Variants in NRG3 observed in about 807,000 individuals in gnomAD.
NRG3 encodes the protein neuregulin 3.
NRG3 carries 31 observed loss-of-function variants against 66.9 expected under a neutral mutation model. The ratio of observed to expected loss-of-function variants is 0.46; its 90% CI spans 0.35 to 0.63. The LOEUF (loss-of-function observed/expected upper bound fraction) is 0.63, where lower values mean the gene tolerates loss of function less well. Among genes scored for constraint, NRG3 ranks in the 20% least tolerant of loss-of-function variants. NRG3 has a pLI of 0.00. For synonymous variants in NRG3, 393 were observed against 359.4 expected (o/e 1.09, Z -1.06); for missense variants, 910 against 878.9 (o/e 1.04, Z -0.45).
intron 3 of NRG3, among the ~76,000 whole-genome samples, chr10:82,768,171 C>T (rs566404913): frequency 2.0e-5 from 3 of 152,260 alleles, no homozygotes; most frequent in Middle Eastern, 3.4e-3. Flanking sequence ...CGTATTGTAT[C>T]TGTCCCCCTC....
At chr10:82,395,347 A>G (rs1366172073) in intron 2 of NRG3, among the ~76,000 whole-genome samples, 4 of 152,140 alleles carry the variant, frequency 2.6e-5, no homozygotes, top group African/African-American at 7.2e-5. Flanking sequence ...TATACAACCA[A>G]TTCTTTCAGG....
At chr10:82,330,998 T>C (rs1178690822) in intron 1 of NRG3, among the ~76,000 whole-genome samples, 1 of 152,198 alleles carries the variant, frequency 6.6e-6, no homozygotes, top group East Asian at 1.9e-4. Flanking sequence ...GAAATCTCAT[T>C]GTCTGCAATG....
intron 1 of NRG3, among the ~76,000 whole-genome samples, chr10:82,012,050 G>T (rs2061600890): frequency 6.6e-6 from 1 of 152,184 alleles, no homozygotes; most frequent in Non-Finnish European, 1.5e-5. Flanking sequence ...TTCCCACACT[G>T]CCCTAGCAGA....
intron 2 of NRG3, among the ~76,000 whole-genome samples, chr10:82,513,788 A>C (rs1424359803): frequency 2.0e-5 from 3 of 152,146 alleles, no homozygotes; most frequent in African/African-American, 7.2e-5. Context: ...TCAAAACAAA[A>C]AAGTAAAATA....
chr10:82,948,936 G>A lies in NRG3; in HGVS notation c.1055-2533G>A, dbSNP rs571826575. Among the ~76,000 whole-genome samples the A allele has an allele frequency of 1.1e-4, 17 of 152,108 alleles. 1 individual carries two copies. In the South Asian group the frequency reaches 3.5e-3, roughly 32 times the overall value. Reference sequence around the variant, plus strand: ...TCTTGTTACATTAACTAAACCTCTGGTACAGTGTTGACCAGAAGGTATGAG... The same window carrying A: ...TCTTGTTACATTAACTAAACCTCTGATACAGTGTTGACCAGAAGGTATGAG... On this transcript the variant is annotated intron_variant, in intron 4 of 8. Transcript: ENST00000372141.
In NRG3 at chr10:82,061,335, A is replaced by G. The variant is rs115603905; in HGVS notation, c.823+185172A>G. Among the ~76,000 whole-genome samples the G allele has an allele frequency of 5.0e-3, 757 of 152,298 alleles. 7 individuals carry two copies. The highest frequency in any genetic ancestry group is 0.017 in the African/African-American group (699 of 41,536). ...CACTGCTCTCCAGCCTGGGCAACAG[A>G]GCAAGATTTTCCCTCTCAAACAAAA... is the stretch of plus-strand genomic sequence containing the variant. On this transcript the variant is annotated intron_variant, in intron 1 of 8. Coordinates refer to ENST00000372141, the MANE Select transcript of NRG3 (RefSeq NM_001010848.4).
chr10:82,783,046 G>A (rs148655834), intron 3 of NRG3, among the ~76,000 whole-genome samples: 3,266 of 152,204 alleles, frequency 0.021, 127 homozygotes, highest in African/African-American at 0.074. Flanking sequence ...ATGCAAGGCT[G>A]GTTCAATATA....
Position 81,878,780 on chromosome 10 carries a change from C to G in NRG3, c.823+2617C>G, listed in dbSNP as rs967463600. Among the ~76,000 whole-genome samples, 4 of 152,186 alleles carry G rather than the reference C, an allele frequency of 2.6e-5. No individual in the cohort carries two copies. In the East Asian group the frequency reaches 5.8e-4, roughly 22 times the overall value. The stretch of plus-strand genomic sequence containing the variant: ...ATGCTTTCGTTTTTTGACTAACCCA[C>G]AAATTCTTTAATGGCCAGGATCTTT... On this transcript the variant is annotated intron_variant, in intron 1 of 8. Coordinates refer to ENST00000372141, the MANE Select transcript of NRG3 (RefSeq NM_001010848.4).
chr10:82,689,477 AT>A (rs2054758825), intron 2 of NRG3, among the ~76,000 whole-genome samples: 1 of 152,204 alleles, frequency 6.6e-6, no homozygotes, highest in Admixed American at 6.5e-5. Context: ...ATTAATGATG[AT>A]GATCACAGTC....
At chr10:82,555,687 G>A (rs972397) in intron 2 of NRG3, among the ~76,000 whole-genome samples, 2,709 of 152,132 alleles carry the variant, frequency 0.018, 30 homozygotes, top group Middle Eastern at 0.068. Context: ...TGGCCAGTGC[G>A]TTCATAGTTT....
intron 6 of NRG3, among the ~76,000 whole-genome samples, chr10:82,962,062 G>A (rs1041691921): frequency 6.6e-6 from 1 of 152,116 alleles, no homozygotes; most frequent in African/African-American, 2.4e-5. Context: ...TCACTTTATA[G>A]TCATCTAACA....
chr10:82,695,197 A>T (rs1242597935), intron 2 of NRG3, among the ~76,000 whole-genome samples: 3 of 152,158 alleles, frequency 2.0e-5, no homozygotes, highest in Non-Finnish European at 4.4e-5. Context: ...ATGTGTATGT[A>T]TTTAAAATAT....
At chr10:82,485,515 A>G (rs746283959) in intron 2 of NRG3, among the ~76,000 whole-genome samples, 2 of 150,006 alleles carry the variant, frequency 1.3e-5, no homozygotes, top group Non-Finnish European at 3.0e-5. Context: ...AGGGTAATCT[A>G]ATCAGAAATG....
chr10:82,018,157 A>G (rs1589799429), intron 1 of NRG3, among the ~76,000 whole-genome samples: 1 of 152,188 alleles, frequency 6.6e-6, no homozygotes, highest in Non-Finnish European at 1.5e-5. Flanking sequence ...ACCTATGGCT[A>G]GCCAGATTTC....
intron 4 of NRG3, among the ~76,000 whole-genome samples, chr10:82,871,726 C>T (rs1365237221): frequency 6.6e-6 from 1 of 152,028 alleles, no homozygotes; most frequent in Non-Finnish European, 1.5e-5. Flanking sequence ...TTGTTTATTA[C>T]TGGCATCTAG....
chr10:82,633,778 G>A (rs1445868078), intron 2 of NRG3, among the ~76,000 whole-genome samples: 7 of 152,170 alleles, frequency 4.6e-5, no homozygotes, highest in Admixed American at 2.6e-4. Flanking sequence ...TGACATTAAT[G>A]TACCAAAATG....
At chr10:81,886,785 T>C (rs1842646587) in intron 1 of NRG3, among the ~76,000 whole-genome samples, 2 of 152,112 alleles carry the variant, frequency 1.3e-5, no homozygotes, top group African/African-American at 4.8e-5. Flanking sequence ...TTTCGGGAAA[T>C]GTTTGGTATA....
intron 2 of NRG3, among the ~76,000 whole-genome samples, chr10:82,445,832 C>T (rs2090692516): frequency 2.6e-5 from 4 of 152,184 alleles, no homozygotes; most frequent in Admixed American, 2.6e-4. Flanking sequence ...TTAAAAGTCT[C>T]ATTTCATTAC....
chr10:82,565,958 T>C (rs2045378615), intron 2 of NRG3, among the ~76,000 whole-genome samples: 1 of 152,064 alleles, frequency 6.6e-6, no homozygotes. Flanking sequence ...GGCTTGAAAT[T>C]CCTCTTGTTC....
Sources: allele counts gnomAD v4.1 joint callset (sites outside exome capture counted in the v4.1 genomes callset), GRCh38; gene constraint gnomAD v4.1.1; transcripts MANE v1.5; gene names NCBI Gene and HGNC (gene_info 2026-07-23, HGNC 2026-07-21).